The following WWP1 variants were observed in gnomAD, a reference collection of about 807,000 sequenced individuals.
The protein encoded by WWP1 is WW domain containing E3 ubiquitin protein ligase 1.
A neutral mutation model predicts 130.6 loss-of-function variants in WWP1; 49 were observed. The ratio of observed to expected loss-of-function variants is 0.38; its 90% CI spans 0.30 to 0.48. The LOEUF is 0.48. Among genes scored for constraint, WWP1 ranks in the 20% least tolerant of loss-of-function variants. WWP1 has a pLI of 0.99. For synonymous variants in WWP1, 332 were observed against 367.8 expected, an observed-to-expected ratio of 0.90 and a Z score of 1.11; for missense variants, 809 against 1,100.6, an observed-to-expected ratio of 0.74 and a Z score of 3.75.
At chr8:86,372,283 A>G (rs1224757859) in intron 2 of WWP1, among the ~76,000 whole-genome samples, 3 of 151,282 alleles carry the variant, frequency 2.0e-5, no homozygotes, top group African/African-American at 7.3e-5. Flanking sequence ...CGGCCTCCCA[A>G]AGTGCTGGGA....
At chr8:86,388,060 T>C (rs1825388309) in intron 5 of WWP1, among the ~76,000 whole-genome samples, 1 of 152,242 alleles carries the variant, frequency 6.6e-6, no homozygotes, top group African/African-American at 2.4e-5. Context: ...TAATTAAATT[T>C]ACATTTAAAT....
intron 8 of WWP1, among the ~76,000 whole-genome samples, chr8:86,408,476 A>AGAATTCC (rs1808401136): frequency 6.6e-6 from 1 of 152,354 alleles, no homozygotes; most frequent in Admixed American, 6.5e-5. Flanking sequence ...GCAGTGAATG[A>AGAATTCC]GAATTCCTAG....
At chr8:86,354,139 A>G (rs948096716) in intron 1 of WWP1, among the ~76,000 whole-genome samples, 1 of 152,190 alleles carries the variant, frequency 6.6e-6, no homozygotes, top group Non-Finnish European at 1.5e-5. Flanking sequence ...TAGTTTTATC[A>G]TATGTAAACT....
intron 8 of WWP1, among the ~76,000 whole-genome samples, chr8:86,407,229 C>G (rs1808331764): frequency 6.6e-6 from 1 of 152,088 alleles, no homozygotes; most frequent in African/African-American, 2.4e-5. Flanking sequence ...ACCATCCTGT[C>G]CTTCCTCTTT....
chr8:86,406,494 T>A (rs1279621579), intron 8 of WWP1, among the ~76,000 whole-genome samples: 3 of 152,198 alleles, frequency 2.0e-5, no homozygotes, highest in African/African-American at 7.2e-5. Context: ...GAAGTAATTA[T>A]AAATAAACAG....
chr8:86,437,063 T>C (rs552232134), intron 16 of WWP1, among the ~76,000 whole-genome samples: 41 of 152,296 alleles, frequency 2.7e-4, no homozygotes, highest in African/African-American at 9.6e-4. Context: ...TGGTAGACTT[T>C]ATTTTGCTTT....
At chr8:86,393,653 A>G (rs938348140) in intron 5 of WWP1, among the ~76,000 whole-genome samples, 1 of 152,192 alleles carries the variant, frequency 6.6e-6, no homozygotes, top group African/African-American at 2.4e-5. Flanking sequence ...GAATTTTAGA[A>G]AACTTTGCTA....
intron 5 of WWP1, among the ~76,000 whole-genome samples, chr8:86,397,779 A>G (rs1807759640): frequency 6.6e-6 from 1 of 152,238 alleles, no homozygotes; most frequent in Non-Finnish European, 1.5e-5. Flanking sequence ...TAAAAATGAT[A>G]AACGATTGTC....
intron 24 of WWP1, among the ~76,000 whole-genome samples, chr8:86,463,538 C>T (rs1473716335): frequency 2.0e-5 from 3 of 151,960 alleles, no homozygotes; most frequent in African/African-American, 4.8e-5. Flanking sequence ...ACTCTCCTCA[C>T]CTTGTGATCT....
chr8:86,463,361 C>T (rs1388319847), intron 24 of WWP1, among the ~76,000 whole-genome samples: 1 of 152,026 alleles, frequency 6.6e-6, no homozygotes, highest in Non-Finnish European at 1.5e-5. Flanking sequence ...GTCTGGAGTG[C>T]AGTGGCACAA....
intron 11 of WWP1, among the ~76,000 whole-genome samples, chr8:86,429,249 T>C (rs1438932465): frequency 2.6e-5 from 4 of 152,210 alleles, no homozygotes; most frequent in Admixed American, 2.6e-4. Flanking sequence ...GCCCTCACCA[T>C]GGCCTTCTGC....
chr8:86,391,243 T>A (rs888653146), intron 5 of WWP1, among the ~76,000 whole-genome samples: 1 of 152,210 alleles, frequency 6.6e-6, no homozygotes, highest in East Asian at 1.9e-4. Flanking sequence ...TAAGCCCAGT[T>A]GGTTTATTCC....
Position 86,381,580 on chromosome 8 carries a change from A to G in WWP1, c.285A>G (p.Gly95=). The change falls in exon 5 of 25, where the codon GGA becomes GGG. Residue 95 remains glycine, a synonymous_variant. Transcript: ENST00000517970. ...CTTTAAAAGCAGATGCTTTATTAGG[A>G]AAAGCAACGATAGATTTGAAACAAG... ...HRTLKADALL[G]KATIDLKQAL... 1.2e-6 allele frequency: 2 copies of G among 1,610,206 alleles called. No individual in the cohort carries two copies. The highest frequency in any genetic ancestry group is 1.1e-5 in the South Asian group (1 of 90,044).
At chr8:86,424,986 T>C (rs892133680) in intron 9 of WWP1, among the ~76,000 whole-genome samples, 6 of 152,078 alleles carry the variant, frequency 3.9e-5, no homozygotes, top group Non-Finnish European at 8.8e-5. Flanking sequence ...TAACTATACT[T>C]TGAGTTTCCA....
At chr8:86,348,123 C>T (rs914284364) in intron 1 of WWP1, among the ~76,000 whole-genome samples, 1 of 152,088 alleles carries the variant, frequency 6.6e-6, no homozygotes, top group Non-Finnish European at 1.5e-5. Flanking sequence ...TAATGTAAAA[C>T]CATACGTCAG....
At chr8:86,447,922 C>G (rs760730867) in intron 18 of WWP1, among the ~76,000 whole-genome samples, 12 of 152,000 alleles carry the variant, frequency 7.9e-5, no homozygotes, top group Middle Eastern at 3.2e-3. Flanking sequence ...TCATCCTATA[C>G]AGTTTTTGAT....
chr8:86,388,338 T>C (rs1586323934), intron 5 of WWP1, among the ~76,000 whole-genome samples: 1 of 152,142 alleles, frequency 6.6e-6, no homozygotes, highest in African/African-American at 2.4e-5. Context: ...TACGGTAGCC[T>C]CCAACTCCTG....
At chr8:86,391,508 T>C (rs533349400) in intron 5 of WWP1, among the ~76,000 whole-genome samples, 3 of 132,678 alleles carry the variant, frequency 2.3e-5, no homozygotes, top group Non-Finnish European at 5.4e-5. Context: ...TTAAACTACA[T>C]AGGAAAAAAA....
At chr8:86,351,521 A>G (rs1467830965) in intron 1 of WWP1, among the ~76,000 whole-genome samples, 1 of 144,714 alleles carries the variant, frequency 6.9e-6, no homozygotes, top group Non-Finnish European at 1.5e-5. Context: ...TTTTTTTTTT[A>G]GTAGAGATGT....
Sources: gnomAD v4.1 joint callset for allele counts (sites outside exome capture counted in the v4.1 genomes callset) on GRCh38, gnomAD v4.1.1 for gene constraint, MANE v1.5 for transcripts, NCBI Gene and HGNC (gene_info 2026-07-23, HGNC 2026-07-21) for gene names.